POU2F2: variants seen among roughly 807,000 people sequenced by gnomAD.
POU2F2 encodes POU class 2 homeobox 2.
Under a neutral mutation model 63.5 loss-of-function variants are expected in POU2F2, and 14 were observed. That is an observed-to-expected ratio of 0.22 (90% CI 0.15 to 0.34). POU2F2 has a LOEUF of 0.34. Among genes scored for constraint, POU2F2 ranks in the 10% least tolerant of loss-of-function variants. The probability of loss-of-function intolerance (pLI) is 1.00; values close to 1 mark genes in which losing one functional copy is unlikely to be tolerated. For synonymous variants in POU2F2, 306 were observed against 348.6 expected, an observed-to-expected ratio of 0.88 and a Z score of 1.36; for missense variants, 607 against 815.2, an observed-to-expected ratio of 0.74 and a Z score of 3.11.
intron 2 of POU2F2, among the ~76,000 whole-genome samples, chr19:42,149,554 T>C (rs917445192): frequency 1.3e-5 from 2 of 151,322 alleles, no homozygotes; most frequent in Non-Finnish European, 2.9e-5. Flanking sequence ...AACAGAGAAG[T>C]GTATGGGGGT....
At position 42,128,945 on chromosome 19, in the gene POU2F2, G is replaced by C. The variant is rs184277759; in HGVS notation, c.28+3439C>G. ...CCTCCTGGGTTCAAGCGATTCTCCT[G>C]CCTCAGCCTCCCGAGTAGCTGCAAT... On this transcript the variant is annotated intron_variant, in intron 1 of 14. Transcript: ENST00000692977. 2.2e-3 allele frequency among the ~76,000 whole-genome samples: 330 copies of C among 151,924 alleles called. 1 individual carries two copies. The highest frequency in any genetic ancestry group is 7.6e-3 in the African/African-American group (314 of 41,414).
At position 42,096,210 on chromosome 19, in the gene POU2F2, G is replaced by A; in HGVS notation, c.601C>T (p.Leu201Phe). Residue 201 changes from leucine to phenylalanine, a missense_variant, in exon 8 of 15, where the codon CTC (leucine) becomes TTC (phenylalanine). By Grantham distance (22) the Leu-to-Phe change is conservative (BLOSUM62 0). Transcript: ENST00000692977. The surrounding 1 kb of genome is among the most constrained non-coding windows in gnomAD (Gnocchi z 4.1). The stretch of plus-strand genomic sequence containing the variant: ...CATTTGGGGGGCTGCGGGTGCGAGA[G>A]GTGCGGGTCGGGCAGCGTAGGGCGG... Reference protein sequence around the residue: ...VTRPTLPDPHLSHPQPPKCLE... With the variant: ...VTRPTLPDPHFSHPQPPKCLE... 1 of 1,609,848 alleles carries A rather than the reference G, an allele frequency of 6.2e-7. No homozygotes were observed. The highest frequency in any genetic ancestry group is 8.5e-7 in the Non-Finnish European group (1 of 1,178,216).
upstream of POU2F2, among the ~76,000 whole-genome samples, chr19:42,135,422 C>T (rs923305091): frequency 2.0e-5 from 3 of 151,908 alleles, no homozygotes; most frequent in Admixed American, 1.3e-4. Context: ...ACCTAGGGAC[C>T]CAAACAAGCA....
chr19:42,139,893 C>T (rs527790744), intron 2 of POU2F2, among the ~76,000 whole-genome samples: 4 of 152,254 alleles, frequency 2.6e-5, no homozygotes, highest in African/African-American at 9.6e-5. Context: ...TTACTCCTCA[C>T]TGTCATCTTA....
intron 2 of POU2F2, among the ~76,000 whole-genome samples, chr19:42,151,570 C>T (rs926920158): frequency 7.9e-5 from 12 of 152,212 alleles, no homozygotes; most frequent in East Asian, 3.9e-4. Flanking sequence ...CCAATCCCTA[C>T]GGATCCCAGA....
Position 42,122,162 on chromosome 19 carries a change from G to A in POU2F2, c.150C>T (p.Ser50=). The A allele has an allele frequency of 3.1e-6, 5 of 1,613,554 alleles. No individual in the cohort carries two copies. Among genetic ancestry groups the A allele is most frequent in the Non-Finnish European group, 4.2e-6 (5 of 1,179,594 alleles). The part of the protein sequence containing the change: ...TNHQNPQNKT[S]PFSVSPTGPS... Reference sequence around the variant, plus strand: ...GGCCAGTTGGGGACACGGAGAATGGGGAGGTCTTATTTTGGGGGTTCTGCA... The same window carrying A: ...GGCCAGTTGGGGACACGGAGAATGGAGAGGTCTTATTTTGGGGGTTCTGCA... The change falls in exon 4 of 15, where the codon TCC becomes TCT. Residue 50 remains serine, a synonymous_variant. Transcript: ENST00000692977.
At chr19:42,111,143 G>A (rs1268135915) in intron 5 of POU2F2, among the ~76,000 whole-genome samples, 2 of 151,834 alleles carry the variant, frequency 1.3e-5, no homozygotes, top group Admixed American at 1.3e-4. Context: ...TTGGAGACAG[G>A]GTCTTACTCT....
chr19:42,130,591 A>G (rs1316035326), intron 1 of POU2F2, among the ~76,000 whole-genome samples: 2 of 152,140 alleles, frequency 1.3e-5, no homozygotes, highest in African/African-American at 4.8e-5. Flanking sequence ...CAGTGGGAGC[A>G]GACACCCTGG....
chr19:42,116,058 G>A (rs986473565), intron 5 of POU2F2, among the ~76,000 whole-genome samples: 1 of 152,192 alleles, frequency 6.6e-6, no homozygotes, highest in Admixed American at 6.5e-5. Flanking sequence ...TTCAGAGAGA[G>A]CACGGCCCTG....
intron 2 of POU2F2, among the ~76,000 whole-genome samples, chr19:42,158,247 T>C (rs1211756901): frequency 1.3e-5 from 2 of 152,198 alleles, no homozygotes; most frequent in Non-Finnish European, 2.9e-5. Flanking sequence ...CTAGTTTCTA[T>C]TGAAAAACCA....
chr19:42,159,073 C>G (rs1273181524), intron 2 of POU2F2, among the ~76,000 whole-genome samples: 1 of 152,144 alleles, frequency 6.6e-6, no homozygotes, highest in Non-Finnish European at 1.5e-5. Flanking sequence ...CTGGGAGAAG[C>G]TCTATACTGT....
chr19:42,116,256 C>T (rs1038515755), intron 5 of POU2F2, among the ~76,000 whole-genome samples: 4 of 152,154 alleles, frequency 2.6e-5, no homozygotes, highest in East Asian at 3.8e-4. Context: ...TCATAGATCA[C>T]GGGCCCCTTT....
chr19:42,160,101 G>A (rs1245752234), intron 2 of POU2F2, among the ~76,000 whole-genome samples: 1 of 152,084 alleles, frequency 6.6e-6, no homozygotes, highest in African/African-American at 2.4e-5. Flanking sequence ...ACACTGATCA[G>A]CAGAAACACC....
chr19:42,197,312 C>A (rs1165389573), upstream of POU2F2, among the ~76,000 whole-genome samples: 1 of 152,182 alleles, frequency 6.6e-6, no homozygotes, highest in African/African-American at 2.4e-5. Flanking sequence ...TGGCTGGGGG[C>A]TAAATAGATC....
At chr19:42,128,989 T>A (rs1362916427) in intron 1 of POU2F2, among the ~76,000 whole-genome samples, 1 of 152,068 alleles carries the variant, frequency 6.6e-6, no homozygotes, top group Non-Finnish European at 1.5e-5. Context: ...TGCATCACCA[T>A]GCCCGGCTAA....
intron 5 of POU2F2, among the ~76,000 whole-genome samples, chr19:42,102,776 A>G (rs899423553): frequency 3.3e-5 from 5 of 152,220 alleles, no homozygotes; most frequent in African/African-American, 1.2e-4. Context: ...GTTGATATCT[A>G]TTGAGCTTGG....
upstream of POU2F2, among the ~76,000 whole-genome samples, chr19:42,135,637 G>A (rs1202174013): frequency 6.6e-6 from 1 of 151,136 alleles, no homozygotes; most frequent in Non-Finnish European, 1.5e-5. Context: ...TGGCTTCTAG[G>A]CTCAAGCCTA....
At chr19:42,108,081 T>C (rs760249000) in intron 5 of POU2F2, among the ~76,000 whole-genome samples, 1 of 152,198 alleles carries the variant, frequency 6.6e-6, no homozygotes, top group Non-Finnish European at 1.5e-5. Flanking sequence ...CACACACTCT[T>C]ATGAAGTCTT....
intron 1 of POU2F2, among the ~76,000 whole-genome samples, chr19:42,130,831 C>T (rs1308081): frequency 0.049 from 7,444 of 151,232 alleles, 573 homozygotes; most frequent in African/African-American, 0.17. Flanking sequence ...GTTTTCAGGG[C>T]TCCTACGATC....
Sources: gnomAD v4.1 joint callset for allele counts (sites outside exome capture counted in the v4.1 genomes callset) on GRCh38, gnomAD v4.1.1 for gene constraint, Gnocchi (gnomAD v3.1) non-coding constraint, MANE v1.5 for transcripts, NCBI Gene and HGNC (gene_info 2026-07-23, HGNC 2026-07-21) for gene names.